Variants in TBL1XR1 observed in about 807,000 individuals in gnomAD.
TBL1XR1 encodes TBL1X/Y related 1.
Under a neutral mutation model 66.9 loss-of-function variants are expected in TBL1XR1, and 5 were observed. That is an observed-to-expected ratio of 0.07 (90% CI 0.04 to 0.16). TBL1XR1 has a LOEUF of 0.16. TBL1XR1 is among the 10% of genes least tolerant of loss of function. The pLI, the probability that TBL1XR1 is intolerant of heterozygous loss-of-function variation, is 1.00. For missense variants in TBL1XR1, 238 were observed against 623.2 expected (o/e 0.38, Z 6.58); for synonymous variants, 210 against 206.0 (o/e 1.02, Z -0.17).
At chr3:177,158,224 CTTTTCTTTT>C (rs1560241363) in intron 1 of TBL1XR1, among the ~76,000 whole-genome samples, 1 of 139,710 alleles carries the variant, frequency 7.2e-6, no homozygotes, top group East Asian at 2.0e-4. Context: ...GGATTTGTTT[CTTTTCTTTT>C]TTTTTTTTTT....
chr3:177,091,964 T>A (rs1480868977), intron 2 of TBL1XR1, among the ~76,000 whole-genome samples: 1 of 152,180 alleles, frequency 6.6e-6, no homozygotes, highest in African/African-American at 2.4e-5. Context: ...CTAGGAATGA[T>A]CATCAATGTC....
At chr3:177,181,390 G>C (rs937428078) in intron 1 of TBL1XR1, among the ~76,000 whole-genome samples, 10 of 149,392 alleles carry the variant, frequency 6.7e-5, no homozygotes, top group African/African-American at 2.5e-4. Context: ...TGAGGCATGA[G>C]AATCACCTGA....
At position 177,054,279 on chromosome 3, in the gene TBL1XR1, T is replaced by C. The variant is rs1443776822; in HGVS notation, c.59-361A>G. Among the ~76,000 whole-genome samples the C allele has an allele frequency of 2.1e-5, 3 of 144,620 alleles. No individual in the cohort carries two copies. In the East Asian group the frequency reaches 6.9e-4, roughly 33 times the overall value. 94.9% of individuals were successfully genotyped at this position (144,620 alleles called of 152,430 possible). A position where few individuals can be genotyped will look rare whatever the true frequency, so the allele number is the denominator to read the frequency against. ...GAAATCATATAATTAAATTGCTTCA[T>C]TTAAATCAGGCCAAGACAGATTAAG... On this transcript the variant is annotated intron_variant, in intron 3 of 15. Coordinates refer to ENST00000457928, the MANE Select transcript of TBL1XR1 (RefSeq NM_024665.7).
intron 7 of TBL1XR1, among the ~76,000 whole-genome samples, chr3:177,048,824 C>A (rs1716661857): frequency 6.6e-6 from 1 of 152,224 alleles, no homozygotes. Flanking sequence ...CAGTTCAGAA[C>A]TACCAAGCTC....
chr3:177,138,577 G>A (rs1729263127), intron 1 of TBL1XR1, among the ~76,000 whole-genome samples: 1 of 150,516 alleles, frequency 6.6e-6, no homozygotes, highest in Non-Finnish European at 1.5e-5. Flanking sequence ...GGGTGACAGA[G>A]CAAGACCCTG....
intron 1 of TBL1XR1, chr3:177,163,924 T>C (rs1236356000): frequency 2.0e-5 from 3 of 152,132 alleles, no homozygotes; most frequent in Non-Finnish European, 2.9e-5. Flanking sequence ...AATTAAACAG[T>C]AAAAACTCAG....
chr3:177,039,345 T>C (rs1258230441), intron 10 of TBL1XR1, among the ~76,000 whole-genome samples: 2 of 152,140 alleles, frequency 1.3e-5, no homozygotes, highest in African/African-American at 4.8e-5. Context: ...CTCTGTCAAT[T>C]ACAAGAGTTA....
chr3:177,090,517 TAAAAAAA>T lies in TBL1XR1; in HGVS notation c.-46+7942_-46+7948del, dbSNP rs768136243. Among the ~76,000 whole-genome samples, 189 of 102,450 alleles carry T rather than the reference TAAAAAAA, an allele frequency of 1.8e-3. 1 individual carries two copies. Among genetic ancestry groups the T allele is most frequent in the African/African-American group, 6.6e-3 (175 of 26,356 alleles). 67.2% of individuals were successfully genotyped at this position (102,450 alleles called of 152,430 possible). On this transcript the variant is annotated intron_variant, in intron 2 of 15. Transcript: ENST00000457928. ...CAACACAGGGAGACACTGTCTCTAC[TAAAAAAA>T]AAAAAAAAAAAAAATCAGCTGGGTG...
At chr3:177,131,474 A>C in intron 1 of TBL1XR1, 1 of 838,132 alleles carries the variant, frequency 1.2e-6, no homozygotes, top group Non-Finnish European at 1.4e-6. Context: ...AACAAAAAAA[A>C]ACTAAATTAA....
In TBL1XR1 at chr3:177,054,045, CGTGTGTGTGTGT is replaced by C. The variant is rs3046468; in HGVS notation, c.59-139_59-128del. On this transcript the variant is annotated intron_variant, in intron 3 of 15. Transcript: ENST00000457928. Reference sequence around the variant, plus strand: ...CCCATTTAAAATCCCAGACGAAGGTCGTGTGTGTGTGTGTGTGTGTGTGTGTGTGCGCGCGCG... The same window carrying C: ...CCCATTTAAAATCCCAGACGAAGGTCGTGTGTGTGTGTGTGTGCGCGCGCG... The C allele has an allele frequency of 5.2e-5, 32 of 615,642 alleles. 1 individual carries two copies. Among genetic ancestry groups the C allele is most frequent in the South Asian group, 4.2e-4 (18 of 42,394 alleles). 38.1% of individuals were successfully genotyped at this position (615,642 alleles called of 1,614,324 possible).
intron 1 of TBL1XR1, among the ~76,000 whole-genome samples, chr3:177,133,529 T>C (rs533163769): frequency 2.0e-5 from 3 of 152,282 alleles, no homozygotes; most frequent in South Asian, 2.1e-4. Context: ...TGGACTATAA[T>C]AATACACTCA....
At chr3:177,046,434 C>T (rs1716332103) in intron 9 of TBL1XR1, among the ~76,000 whole-genome samples, 1 of 152,086 alleles carries the variant, frequency 6.6e-6, no homozygotes, top group Admixed American at 6.6e-5. Flanking sequence ...TGGTAGTCTA[C>T]AAAGGGCCAG....
chr3:177,126,405 C>T (rs1341359741), intron 1 of TBL1XR1, among the ~76,000 whole-genome samples: 2 of 152,166 alleles, frequency 1.3e-5, no homozygotes, highest in Non-Finnish European at 2.9e-5. Flanking sequence ...TGTTAAACAT[C>T]GGTTATGTAA....
chr3:177,096,408 GAC>G (rs1170511837), intron 2 of TBL1XR1, among the ~76,000 whole-genome samples: 1 of 151,784 alleles, frequency 6.6e-6, no homozygotes, highest in African/African-American at 2.4e-5. Flanking sequence ...CAACAAAACT[GAC>G]AAACATGTTT....
At chr3:177,151,204 C>T (rs540526690) in intron 1 of TBL1XR1, among the ~76,000 whole-genome samples, 9 of 152,338 alleles carry the variant, frequency 5.9e-5, no homozygotes, top group South Asian at 2.1e-4. Context: ...CTGAGAGCCA[C>T]ACATTTTTCA....
At chr3:177,172,369 C>G (rs1368633704) in intron 1 of TBL1XR1, among the ~76,000 whole-genome samples, 3 of 150,406 alleles carry the variant, frequency 2.0e-5, no homozygotes, top group South Asian at 2.1e-4. Flanking sequence ...AGTAAATATA[C>G]AGGAGAAAAG....
At chr3:177,044,821 C>CA (rs1466043447) in intron 10 of TBL1XR1, 1 of 152,102 alleles carries the variant, frequency 6.6e-6, no homozygotes, top group African/African-American at 2.4e-5. Context: ...ATCTCCAACA[C>CA]AGAGTTGGTA....
chr3:177,037,422 G>A (rs549323284), intron 12 of TBL1XR1: 7 of 152,156 alleles, frequency 4.6e-5, no homozygotes, highest in East Asian at 3.9e-4. Context: ...CATTATTTCC[G>A]GCTGTGTCTG....
In TBL1XR1 at chr3:177,106,353, T is replaced by G. The variant is rs1724888013; in HGVS notation, c.-121-7812A>C. 2.0e-5 allele frequency among the ~76,000 whole-genome samples: 3 copies of G among 152,226 alleles called. No individual in the cohort carries two copies. The South Asian group carries it at 6.2e-4, about 31-fold the overall frequency. On this transcript the variant is annotated intron_variant, in intron 1 of 15. Coordinates refer to ENST00000457928, the MANE Select transcript of TBL1XR1 (RefSeq NM_024665.7). ...TCATCAAGGAAGTTCTAGTGGGCAC[T>G]TAGGCAAATGAGCTGAAGTTTGTTC...
Sources: gnomAD v4.1 joint callset for allele counts (sites outside exome capture counted in the v4.1 genomes callset) on GRCh38, gnomAD v4.1.1 for gene constraint, MANE v1.5 for transcripts, NCBI Gene and HGNC (gene_info 2026-07-23, HGNC 2026-07-21) for gene names.